The following SRBD1 variants were observed in gnomAD, a reference collection of about 807,000 sequenced individuals.
SRBD1 encodes S1 RNA-binding domain-containing protein 1.
A neutral mutation model predicts 115.3 loss-of-function variants in SRBD1; 88 were observed. The ratio of observed to expected loss-of-function variants is 0.76; its 90% CI spans 0.64 to 0.91. SRBD1 has a LOEUF of 0.91. SRBD1 is among the 40% of genes least tolerant of loss of function. SRBD1 has a pLI of 0.00. For missense variants in SRBD1, 1,385 were observed against 1,177.4 expected, an observed-to-expected ratio of 1.18 and a Z score of -2.58; for synonymous variants, 509 against 407.7, an observed-to-expected ratio of 1.25 and a Z score of -2.99.
chr2:45,492,116 C>A (rs1320680369), intron 14 of SRBD1, among the ~76,000 whole-genome samples: 1 of 151,988 alleles, frequency 6.6e-6, no homozygotes, highest in Non-Finnish European at 1.5e-5. Flanking sequence ...CCACTACGCC[C>A]AGTACAAAAA....
chr2:45,441,579 C>T (rs1286710363), intron 16 of SRBD1, among the ~76,000 whole-genome samples: 1 of 152,142 alleles, frequency 6.6e-6, no homozygotes, highest in Non-Finnish European at 1.5e-5. Flanking sequence ...CTTCTTAACA[C>T]CATGCTTCTT....
At chr2:45,398,718 C>G (rs867228555) in intron 19 of SRBD1, among the ~76,000 whole-genome samples, 4 of 150,788 alleles carry the variant, frequency 2.7e-5, no homozygotes, top group South Asian at 2.1e-4. Flanking sequence ...GGATGATCAT[C>G]TTTTCAGAAA....
chr2:45,483,970 C>G (rs1052017879), intron 15 of SRBD1, among the ~76,000 whole-genome samples: 11 of 152,066 alleles, frequency 7.2e-5, no homozygotes, highest in African/African-American at 2.7e-4. Context: ...ATAAACTTTT[C>G]AAAATTCATA....
chr2:45,548,391 G>C (rs983342986), intron 12 of SRBD1, among the ~76,000 whole-genome samples: 1 of 151,848 alleles, frequency 6.6e-6, no homozygotes, highest in African/African-American at 2.4e-5. Context: ...GGAATAAAAA[G>C]AAGATATAAC....
chr2:45,579,879 A>C lies in SRBD1; in HGVS notation c.1068T>G (p.Val356=), dbSNP rs771955111. Residue 356 remains valine, a synonymous_variant, in exon 7 of 21, where the codon GTT becomes GTG. Coordinates refer to ENST00000263736, the MANE Select transcript of SRBD1 (RefSeq NM_018079.5). ...CTCTGTAAATAAAGCCAGTACCTTTAACGTCAGGCCTAATGTACGATAGCA... is the reference window on the plus strand; with the variant it reads ...CTCTGTAAATAAAGCCAGTACCTTTCACGTCAGGCCTAATGTACGATAGCA... ...LSLLSYIRPD[V]KGLSTLQDIE... 8.9e-6 allele frequency: 14 copies of C among 1,570,360 alleles called. No homozygotes were observed. In the East Asian group the frequency reaches 3.2e-4, roughly 36 times the overall value.
At chr2:45,602,113 G>C (rs746681784) in intron 2 of SRBD1, 30 bp from the exon 3 acceptor site, 2 of 1,567,160 alleles carry the variant, frequency 1.3e-6, no homozygotes, top group Non-Finnish European at 1.7e-6. Context: ...ATAATCTCCA[G>C]GAAAAATAAA....
At chr2:45,592,753 A>C (rs1306609834) in intron 4 of SRBD1, among the ~76,000 whole-genome samples, 1 of 152,148 alleles carries the variant, frequency 6.6e-6, no homozygotes, top group Admixed American at 6.5e-5. Flanking sequence ...TCAAGAGTTG[A>C]TGAGATCTAT....
intron 4 of SRBD1, among the ~76,000 whole-genome samples, chr2:45,591,988 G>C (rs1490308047): frequency 6.6e-6 from 1 of 152,128 alleles, no homozygotes; most frequent in Non-Finnish European, 1.5e-5. Context: ...CGTGTTGTAG[G>C]AGGGACCCAG....
Position 45,583,056 on chromosome 2 carries a change from G to A in SRBD1, c.816-1246C>T, listed in dbSNP as rs1240407878. On this transcript the variant is annotated intron_variant, in intron 5 of 20. Transcript: ENST00000263736. The stretch of plus-strand genomic sequence containing the variant: ...GTTTTCACTGTGAATATACAATCCT[G>A]TTGTTACAGTTAATGCTTCTCATCC... 1.3e-5 allele frequency among the ~76,000 whole-genome samples: 2 copies of A among 152,112 alleles called. 1 individual carries two copies. Among genetic ancestry groups the A allele is most frequent in the Non-Finnish European group, 2.9e-5 (2 of 68,030 alleles).
intron 14 of SRBD1, among the ~76,000 whole-genome samples, chr2:45,505,287 A>G (rs1670764190): frequency 6.6e-6 from 1 of 152,212 alleles, no homozygotes; most frequent in Non-Finnish European, 1.5e-5. Context: ...GAAGGCAGAA[A>G]AAGCAGCAGC....
chr2:45,477,266 G>A (rs1444779893), intron 15 of SRBD1, among the ~76,000 whole-genome samples, 191 bp from the exon 16 acceptor site: 1 of 152,030 alleles, frequency 6.6e-6, no homozygotes, highest in Non-Finnish European at 1.5e-5. Context: ...AAAATTTCAT[G>A]AATTATGTCA....
At chr2:45,513,657 G>T (rs1008776811) in intron 14 of SRBD1, among the ~76,000 whole-genome samples, 8 of 152,090 alleles carry the variant, frequency 5.3e-5, no homozygotes, top group Admixed American at 1.3e-4. Context: ...AAAATGAGGA[G>T]TTAGAGCAGA....
chr2:45,415,876 G>C (rs566532976), intron 18 of SRBD1, among the ~76,000 whole-genome samples: 2 of 151,594 alleles, frequency 1.3e-5, no homozygotes, highest in African/African-American at 4.8e-5. Flanking sequence ...GAGTTGAAGA[G>C]AGAAAGATTG....
chr2:45,601,799 GTT>G, intron 3 of SRBD1, 102 bp downstream of exon 3: 1 of 1,463,726 alleles, frequency 6.8e-7, no homozygotes, highest in Non-Finnish European at 9.2e-7. Context: ...ATTGCTGGCA[GTT>G]TTTGTCATTT....
At chr2:45,409,411 T>G (rs1363231859) in intron 19 of SRBD1, among the ~76,000 whole-genome samples, 1 of 149,530 alleles carries the variant, frequency 6.7e-6, no homozygotes, top group Admixed American at 6.7e-5. Context: ...TTTTTTATAT[T>G]AAAAAAATCT....
intron 19 of SRBD1, among the ~76,000 whole-genome samples, chr2:45,405,063 C>T (rs1355835937): frequency 6.6e-6 from 1 of 152,134 alleles, no homozygotes; most frequent in South Asian, 2.1e-4. Flanking sequence ...TACCCACAAT[C>T]CTGGCAATCC....
chr2:45,409,515 C>CAAAAAAAAAAAAAAAAAAAAA (rs59849294), intron 19 of SRBD1, among the ~76,000 whole-genome samples: 2 of 117,910 alleles, frequency 1.7e-5, no homozygotes, highest in African/African-American at 3.2e-5. Flanking sequence ...TTGCAATAGG[C>CAAAAAAAAAAAAAAAAAAAAA]AAAAAAAAAA....
chr2:45,488,892 C>A (rs184284555), intron 14 of SRBD1, among the ~76,000 whole-genome samples: 12 of 152,152 alleles, frequency 7.9e-5, no homozygotes, highest in African/African-American at 2.9e-4. Flanking sequence ...AGGATGTCAT[C>A]CGACTTCTTT....
At chr2:45,474,927 G>C (rs1289530107) in intron 16 of SRBD1, among the ~76,000 whole-genome samples, 1 of 152,168 alleles carries the variant, frequency 6.6e-6, no homozygotes, top group African/African-American at 2.4e-5. Flanking sequence ...TGCAGCTGAT[G>C]ATGGTAGTGT....
Sources: allele counts gnomAD v4.1 joint callset (sites outside exome capture counted in the v4.1 genomes callset), GRCh38; gene constraint gnomAD v4.1.1; transcripts MANE v1.5; gene names NCBI Gene and HGNC (gene_info 2026-07-23, HGNC 2026-07-21).